The following CRIM1 variants were observed in gnomAD, a reference collection of about 807,000 sequenced individuals.
CRIM1 encodes cysteine rich transmembrane BMP regulator 1, also known as cysteine-rich motor neuron 1 protein.
A neutral mutation model predicts 116.4 loss-of-function variants in CRIM1; 32 were observed. The observed-to-expected ratio is 0.27, with a 90% CI of 0.21 to 0.37. The LOEUF (loss-of-function observed/expected upper bound fraction) is 0.37, where lower values mean the gene tolerates loss of function less well. CRIM1 is among the 10% of genes least tolerant of loss of function. The pLI, the probability that CRIM1 is intolerant of heterozygous loss-of-function variation, is 1.00. For synonymous variants in CRIM1, 590 were observed against 509.2 expected, an observed-to-expected ratio of 1.16 and a Z score of -2.13; for missense variants, 1,331 against 1,354.8, an observed-to-expected ratio of 0.98 and a Z score of 0.28.
intron 13 of CRIM1, among the ~76,000 whole-genome samples, chr2:36,525,418 C>A (rs1334614988): frequency 6.6e-6 from 1 of 152,182 alleles, no homozygotes; most frequent in Non-Finnish European, 1.5e-5. Flanking sequence ...GGGTGCCAAG[C>A]CTGGCCAGCA....
chr2:36,370,401 G>A (rs1051923435), intron 1 of CRIM1, among the ~76,000 whole-genome samples: 2 of 152,016 alleles, frequency 1.3e-5, no homozygotes, highest in African/African-American at 4.8e-5. Flanking sequence ...CACTGCCCTG[G>A]GAAAAGGTGA....
intron 13 of CRIM1, among the ~76,000 whole-genome samples, chr2:36,526,080 GT>G (rs577567019): frequency 7.2e-4 from 109 of 152,244 alleles, no homozygotes; most frequent in Non-Finnish European, 9.7e-4. Flanking sequence ...GCTTTGTCTA[GT>G]TTCTTATAAT....
At chr2:36,541,166 A>C (rs1666916812) in intron 14 of CRIM1, among the ~76,000 whole-genome samples, 1 of 152,080 alleles carries the variant, frequency 6.6e-6, no homozygotes, top group Non-Finnish European at 1.5e-5. Flanking sequence ...GTCAAGACTC[A>C]CCACCAAAGT....
At chr2:36,473,108 C>T (rs1178979883) in intron 5 of CRIM1, among the ~76,000 whole-genome samples, 1 of 152,178 alleles carries the variant, frequency 6.6e-6, no homozygotes, top group Non-Finnish European at 1.5e-5. Context: ...TAATAATACT[C>T]GTTCTGTCTT....
chr2:36,412,755 A>G (rs1673311118), intron 2 of CRIM1, among the ~76,000 whole-genome samples: 1 of 152,188 alleles, frequency 6.6e-6, no homozygotes, highest in Non-Finnish European at 1.5e-5. Context: ...TAAATTTGGT[A>G]TACAAATGGT....
At chr2:36,481,050 A>G (rs747749514) in intron 7 of CRIM1, among the ~76,000 whole-genome samples, 10 of 152,210 alleles carry the variant, frequency 6.6e-5, no homozygotes, top group East Asian at 1.9e-4. Flanking sequence ...AATATTTGGG[A>G]CACACGGTAA....
rs555322571 is a variant in CRIM1 at position 36,535,385 on chromosome 2, C to G, written c.2429-1967C>G. ...AGGATTCCATATTAATCAAGAACTT[C>G]TATCATGAGTTTCTTTTGAAAGCCT... On this transcript the variant is annotated intron_variant, in intron 13 of 16. Coordinates refer to ENST00000280527, the MANE Select transcript of CRIM1 (RefSeq NM_016441.3). Among the ~76,000 whole-genome samples the G allele has an allele frequency of 1.6e-4, 24 of 152,306 alleles. No individual in the cohort carries two copies. In the East Asian group the frequency reaches 3.9e-3, roughly 24 times the overall value.
In CRIM1 at chr2:36,356,883, A is replaced by G. The variant is rs1668853331; in HGVS notation, c.331+260A>G. ...TGGAGGATCGCCCCTGTCCCCGCGC[A>G]GACGCGCACACGTGTGGCCGTTCCT... On this transcript the variant is annotated intron_variant, in intron 1 of 16. Coordinates refer to ENST00000280527, the MANE Select transcript of CRIM1 (RefSeq NM_016441.3). This position sits in a 1 kb window ranked among gnomAD's most constrained non-coding sequence, Gnocchi z 4.3. Among the ~76,000 whole-genome samples, 1 of 152,104 alleles carries G rather than the reference A, an allele frequency of 6.6e-6. No homozygotes were observed. Among genetic ancestry groups the G allele is most frequent in the Admixed American group, 6.5e-5 (1 of 15,284 alleles).
At position 36,356,319 on chromosome 2, in the gene CRIM1, G is replaced by T. The variant is rs769253180; in HGVS notation, c.27G>T (p.Gly9=). The part of the protein sequence containing the change: MYLVAGDR[G]LAGCGHLLVS... ...TGTACTTGGTGGCGGGGGACAGGGG[G>T]TTGGCCGGCTGCGGGCACCTCCTGG... Residue 9 remains glycine, a synonymous_variant, in exon 1 of 17, where the codon GGG becomes GGT. Coordinates refer to ENST00000280527, the MANE Select transcript of CRIM1 (RefSeq NM_016441.3). This position sits in a 1 kb window ranked among gnomAD's most constrained non-coding sequence, Gnocchi z 4.3. 7.6e-6 allele frequency: 12 copies of T among 1,572,630 alleles called. No homozygotes were observed. In the South Asian group the frequency reaches 1.3e-4, roughly 17 times the overall value.
intron 12 of CRIM1, among the ~76,000 whole-genome samples, chr2:36,521,786 A>G (rs887014966): frequency 6.6e-6 from 1 of 152,244 alleles, no homozygotes; most frequent in African/African-American, 2.4e-5. Context: ...TGTCCCATTT[A>G]CTTACATGCA....
intron 2 of CRIM1, among the ~76,000 whole-genome samples, chr2:36,420,907 C>G (rs978260050): frequency 5.3e-5 from 8 of 152,168 alleles, no homozygotes; most frequent in Non-Finnish European, 4.4e-5. Context: ...ATTTAGGAAG[C>G]TAGTACAACC....
At chr2:36,473,065 A>G (rs1345905776) in intron 5 of CRIM1, among the ~76,000 whole-genome samples, 4 of 152,210 alleles carry the variant, frequency 2.6e-5, no homozygotes, top group Admixed American at 1.3e-4. Context: ...TCATCTCTTT[A>G]AGTTTCATCT....
At position 36,550,496 on chromosome 2, in the gene CRIM1, T is replaced by G. The variant is rs1266483812; in HGVS notation, c.*1795T>G. On this transcript the variant is annotated 3_prime_UTR_variant, in exon 17 of 17. Coordinates refer to ENST00000280527, the MANE Select transcript of CRIM1 (RefSeq NM_016441.3). ...AATGTGTTCTGTTTTGTAAAGGAAC[T>G]TTCAAGTATTGTTGTAAATACTTGG... The G allele has an allele frequency of 6.6e-6, 1 of 152,554 alleles. No homozygotes were observed. Among genetic ancestry groups the G allele is most frequent in the Non-Finnish European group, 1.5e-5 (1 of 68,030 alleles). The allele number at this position is 152,554 out of a possible 1,614,324, so 9.5% of individuals were successfully genotyped here.
intron 5 of CRIM1, among the ~76,000 whole-genome samples, chr2:36,470,707 T>C (rs527277565): frequency 2.0e-5 from 3 of 152,348 alleles, no homozygotes; most frequent in Non-Finnish European, 4.4e-5. Context: ...ACAAGATTAG[T>C]GTTGTTTTCG....
At chr2:36,455,372 C>T (rs920222808) in intron 4 of CRIM1, among the ~76,000 whole-genome samples, 11 of 152,168 alleles carry the variant, frequency 7.2e-5, no homozygotes, top group African/African-American at 1.2e-4. Flanking sequence ...TTCATCAGTT[C>T]GTTTAATCCA....
intron 6 of CRIM1, among the ~76,000 whole-genome samples, chr2:36,478,958 A>AC (rs1386384108): frequency 6.6e-6 from 1 of 152,062 alleles, no homozygotes; most frequent in Non-Finnish European, 1.5e-5. Context: ...AGGCACAGTG[A>AC]CCCATGGTAT....
rs1668858942 is a variant in CRIM1 at position 36,356,924 on chromosome 2, C to T, written c.331+301C>T. Among the ~76,000 whole-genome samples the T allele has an allele frequency of 6.6e-6, 1 of 152,124 alleles. No homozygotes were observed. The highest frequency in any genetic ancestry group is 6.5e-5 in the Admixed American group (1 of 15,288). On this transcript the variant is annotated intron_variant, in intron 1 of 16. Transcript: ENST00000280527. This position sits in a 1 kb window ranked among gnomAD's most constrained non-coding sequence, Gnocchi z 4.3. ...GGCCGTTCCTGCTGGGACTGGGTGG[C>T]CCGGCCTTGCTCCCCGAGGTGGGGG...
rs546369869 is a variant in CRIM1 at position 36,468,407 on chromosome 2, G to A, written c.991+3752G>A. Among the ~76,000 whole-genome samples, 77 of 152,212 alleles carry A rather than the reference G, an allele frequency of 5.1e-4. No individual in the cohort carries two copies. The South Asian group carries it at 6.6e-3, about 13-fold the overall frequency. On this transcript the variant is annotated intron_variant, in intron 5 of 16. Transcript: ENST00000280527. ...TAGTTTGATTTTATTTTGTTGTGGC[G>A]GAGGGATGGGAGAGTTGCAGACCAG...
chr2:36,378,234 TA>T, intron 1 of CRIM1: 1 of 459,882 alleles, frequency 2.2e-6, no homozygotes, highest in South Asian at 1.6e-5. Flanking sequence ...AAATGTATTT[TA>T]AATCAATGAG....
Sources: gnomAD v4.1 joint callset for allele counts (sites outside exome capture counted in the v4.1 genomes callset) on GRCh38, gnomAD v4.1.1 for gene constraint, Gnocchi (gnomAD v3.1) non-coding constraint, MANE v1.5 for transcripts, NCBI Gene and HGNC (gene_info 2026-07-23, HGNC 2026-07-21) for gene names.